Variants in ROR1 observed in about 807,000 individuals in gnomAD.
ROR1 encodes the protein ROR family WNT receptor 1.
Under a neutral mutation model 78.8 loss-of-function variants are expected in ROR1, and 19 were observed. The ratio of observed to expected loss-of-function variants is 0.24; its 90% CI spans 0.17 to 0.35. The LOEUF is 0.35. Ranked by LOEUF, ROR1 falls within the 10% of genes least tolerant of loss-of-function variation. ROR1 has a pLI of 1.00. For missense variants in ROR1, 917 were observed against 1,177.8 expected (o/e 0.78, Z 3.24); for synonymous variants, 386 against 433.6 (o/e 0.89, Z 1.36).
intron 1 of ROR1, among the ~76,000 whole-genome samples, chr1:63,936,045 G>A (rs1268515644): frequency 6.6e-6 from 1 of 152,198 alleles, no homozygotes; most frequent in East Asian, 1.9e-4. Context: ...AAATGGGAAA[G>A]TCCATTTAAG....
At chr1:63,962,829 G>A (rs1259861784) in intron 1 of ROR1, among the ~76,000 whole-genome samples, 1 of 152,146 alleles carries the variant, frequency 6.6e-6, no homozygotes, top group Non-Finnish European at 1.5e-5. Context: ...ATACACCCGT[G>A]GATTTTAAGC....
chr1:63,920,678 C>T (rs1366333942), intron 1 of ROR1, among the ~76,000 whole-genome samples: 1 of 152,224 alleles, frequency 6.6e-6, no homozygotes, highest in Non-Finnish European at 1.5e-5. Flanking sequence ...GATAATCTGT[C>T]AGCCCACCTC....
intron 3 of ROR1, 144 bp downstream of exon 3, chr1:64,050,122 A>G: frequency 1.1e-6 from 1 of 919,410 alleles, no homozygotes; most frequent in Non-Finnish European, 1.6e-6. Flanking sequence ...GTATGGTTGT[A>G]CCCATTTTAC....
At chr1:64,108,140 T>TAATCTC (rs1475843246) in intron 4 of ROR1, among the ~76,000 whole-genome samples, 6 of 151,362 alleles carry the variant, frequency 4.0e-5, no homozygotes, top group Non-Finnish European at 7.4e-5. Flanking sequence ...CTCATGCCTG[T>TAATCTC]AATCTCAGCA....
chr1:63,881,231 T>A (rs1355409562), intron 1 of ROR1, among the ~76,000 whole-genome samples: 1 of 152,214 alleles, frequency 6.6e-6, no homozygotes, highest in African/African-American at 2.4e-5. Flanking sequence ...TAGGAATTTT[T>A]CTTTTTGTTC....
chr1:63,861,889 C>T (rs1645184573), intron 1 of ROR1, among the ~76,000 whole-genome samples: 2 of 152,000 alleles, frequency 1.3e-5, no homozygotes, highest in African/African-American at 4.8e-5. Flanking sequence ...AGAGTGGAGA[C>T]GCCTTTCCTG....
chr1:64,126,001 A>G (rs1441372886), intron 4 of ROR1, among the ~76,000 whole-genome samples: 1 of 152,144 alleles, frequency 6.6e-6, no homozygotes, highest in East Asian at 1.9e-4. Flanking sequence ...CTCAACAAAT[A>G]ATAATTATAC....
At chr1:63,855,483 C>T (rs1016441719) in intron 1 of ROR1, among the ~76,000 whole-genome samples, 1 of 152,052 alleles carries the variant, frequency 6.6e-6, no homozygotes, top group Non-Finnish European at 1.5e-5. Context: ...ATTCTGTTTA[C>T]TTTTTTAATT....
intron 1 of ROR1, among the ~76,000 whole-genome samples, chr1:63,949,407 G>C (rs1414626034): frequency 1.3e-5 from 2 of 152,110 alleles, no homozygotes; most frequent in African/African-American, 4.8e-5. Flanking sequence ...TTTGAGCCTG[G>C]CTTGGGATAG....
rs779108461 is a variant in ROR1, at chr1:64,025,290, TA to T, written c.163+15916del. ...TCGTATAATGTGAGCTCCTGGCTGA[TA>T]ACGTGATTCCCGTCTTCCAGAAGCC... On this transcript the variant is annotated intron_variant, in intron 2 of 8. Coordinates refer to ENST00000371079, the MANE Select transcript of ROR1 (RefSeq NM_005012.4). 2.2e-4 allele frequency among the ~76,000 whole-genome samples: 33 copies of T among 152,296 alleles called. 2 individuals carry two copies. The highest frequency in any genetic ancestry group is 1.1e-3 in the Admixed American group (17 of 15,292).
chr1:63,851,623 CCTATTTTTCT>C (rs1645114559), intron 1 of ROR1, among the ~76,000 whole-genome samples: 2 of 152,220 alleles, frequency 1.3e-5, no homozygotes, highest in African/African-American at 4.8e-5. Flanking sequence ...CCCTCATTGC[CCTATTTTTCT>C]GTTTTCCAAA....
chr1:64,011,157 T>G (rs1029072135), intron 2 of ROR1, among the ~76,000 whole-genome samples: 10 of 152,202 alleles, frequency 6.6e-5, no homozygotes, highest in African/African-American at 2.2e-4. Flanking sequence ...TCAAAGGACA[T>G]TTAGAATATT....
intron 1 of ROR1, chr1:63,843,739 C>T: frequency 2.3e-6 from 1 of 429,178 alleles, no homozygotes; most frequent in Non-Finnish European, 4.6e-6. Flanking sequence ...GACAAGAGCA[C>T]TGCAGCCGCT....
chr1:63,818,996 G>A (rs1458944162), intron 1 of ROR1, among the ~76,000 whole-genome samples: 1 of 152,002 alleles, frequency 6.6e-6, no homozygotes, highest in Admixed American at 6.6e-5. Flanking sequence ...CTACTAATAA[G>A]GAAAAATTGC....
chr1:63,785,147 A>G (rs1446745269), intron 1 of ROR1, among the ~76,000 whole-genome samples: 1 of 152,242 alleles, frequency 6.6e-6, no homozygotes, highest in African/African-American at 2.4e-5. Context: ...GACAATGTAC[A>G]TGAAAGCAAC....
rs528455737 is a variant in ROR1, at chr1:63,775,656, A to G, written c.91+1148A>G. On this transcript the variant is annotated intron_variant, in intron 1 of 8. Coordinates refer to ENST00000371079, the MANE Select transcript of ROR1 (RefSeq NM_005012.4). Reference sequence around the variant, plus strand: ...TTGAGAGGAAAAAGATGTATTCACTACATAGACTACGAATGCAGAATTAGT... The same window carrying G: ...TTGAGAGGAAAAAGATGTATTCACTGCATAGACTACGAATGCAGAATTAGT... Among the ~76,000 whole-genome samples the G allele has an allele frequency of 3.9e-5, 6 of 152,372 alleles. No homozygotes were observed. The South Asian group carries it at 1.2e-3, about 32-fold the overall frequency.
intron 1 of ROR1, among the ~76,000 whole-genome samples, chr1:63,886,316 C>T (rs1163499767): frequency 6.6e-6 from 1 of 152,164 alleles, no homozygotes; most frequent in South Asian, 2.1e-4. Flanking sequence ...AAGCTGGGGA[C>T]CCCTGTGTTA....
At chr1:63,963,420 T>G (rs2100488163) in intron 1 of ROR1, among the ~76,000 whole-genome samples, 1 of 151,806 alleles carries the variant, frequency 6.6e-6, no homozygotes, top group African/African-American at 2.4e-5. Flanking sequence ...AATACAAAAA[T>G]TAGCCAGGCA....
chr1:64,177,464 T>A lies in ROR1; in HGVS notation c.1423T>A (p.Phe475Ile). The A allele has an allele frequency of 6.2e-7, 1 of 1,614,198 alleles. No individual in the cohort carries two copies. Among genetic ancestry groups the A allele is most frequent in the South Asian group, 1.1e-5 (1 of 91,080 alleles). ...AGAGCTACCTCTTTCTGCTGTACGCTTTATGGAAGAATTGGGTGAGTGTGC... is the reference window on the plus strand; with the variant it reads ...AGAGCTACCTCTTTCTGCTGTACGCATTATGGAAGAATTGGGTGAGTGTGC... The part of the protein sequence containing the change: ...AKELPLSAVR[F>I]MEELGECAFG... Residue 475 changes from phenylalanine (F) to isoleucine (I), a missense_variant, in exon 9 of 9, where the codon TTT becomes ATT. Physicochemically the swap from Phe to Ile is conservative, Grantham distance 21. Coordinates refer to ENST00000371079, the MANE Select transcript of ROR1 (RefSeq NM_005012.4).
Sources: allele counts gnomAD v4.1 joint callset (sites outside exome capture counted in the v4.1 genomes callset), GRCh38; gene constraint gnomAD v4.1.1; transcripts MANE v1.5; gene names NCBI Gene and HGNC (gene_info 2026-07-23, HGNC 2026-07-21).